The following RARB variants were observed in gnomAD, a reference collection of about 807,000 sequenced individuals.
The protein encoded by RARB is HBV-activated protein.
Under a neutral mutation model 51.9 loss-of-function variants are expected in RARB, and 17 were observed. The observed-to-expected ratio is 0.33, with a 90% CI of 0.22 to 0.49. The LOEUF is 0.49. RARB is among the 20% of genes least tolerant of loss of function. RARB has a pLI of 0.99. For synonymous variants in RARB, 215 were observed against 195.4 expected, an observed-to-expected ratio of 1.10 and a Z score of -0.84; for missense variants, 369 against 550.8, an observed-to-expected ratio of 0.67 and a Z score of 3.30.
rs1156767319 is a variant in RARB, at chr3:25,010,186, A to G, written c.-379-49939A>G. 2.0e-5 allele frequency among the ~76,000 whole-genome samples: 3 copies of G among 152,098 alleles called. No individual in the cohort carries two copies. In the East Asian group the frequency reaches 5.8e-4, roughly 29 times the overall value. Reference sequence around the variant, plus strand: ...AAGAAAACCTTAAGAAACATATCGGATTAATTTTACACCTTTCTCCATCAG... The same window carrying G: ...AAGAAAACCTTAAGAAACATATCGGGTTAATTTTACACCTTTCTCCATCAG... On this transcript the variant is annotated intron_variant, in intron 2 of 11. Transcript: ENST00000383772.
chr3:25,403,795 C>G (rs1479161984), intron 5 of RARB, among the ~76,000 whole-genome samples: 7 of 134,386 alleles, frequency 5.2e-5, no homozygotes, highest in African/African-American at 2.0e-4. Flanking sequence ...AGCACTGTTA[C>G]TTTCATTTTT....
intron 3 of RARB, among the ~76,000 whole-genome samples, chr3:25,525,068 G>A (rs1698587811): frequency 6.6e-6 from 1 of 152,048 alleles, no homozygotes. Flanking sequence ...CTAGCTCTTG[G>A]AAATAAAATC....
intron 4 of RARB, among the ~76,000 whole-genome samples, chr3:25,575,335 C>T (rs1293269486): frequency 6.6e-6 from 1 of 152,158 alleles, no homozygotes; most frequent in Non-Finnish European, 1.5e-5. Flanking sequence ...CTTGGGGACC[C>T]CTGACCTAGA....
intron 5 of RARB, among the ~76,000 whole-genome samples, chr3:25,398,974 A>G (rs1311040410): frequency 1.3e-5 from 2 of 152,190 alleles, no homozygotes; most frequent in African/African-American, 2.4e-5. Context: ...TGTGAAGTTA[A>G]TATCTTGCCC....
At chr3:25,474,142 T>C (rs1036605535) in intron 2 of RARB, among the ~76,000 whole-genome samples, 16 of 152,262 alleles carry the variant, frequency 1.1e-4, no homozygotes, top group African/African-American at 3.9e-4. Context: ...CTTTTGAATC[T>C]GAAAATAGCA....
At chr3:25,232,387 C>G (rs567919461) in intron 5 of RARB, among the ~76,000 whole-genome samples, 44 of 152,046 alleles carry the variant, frequency 2.9e-4, no homozygotes, top group African/African-American at 1.0e-3. Flanking sequence ...TGCATTGAAT[C>G]TATAGATTCA....
At chr3:25,473,245 A>G (rs540113218) in intron 2 of RARB, among the ~76,000 whole-genome samples, 32 of 152,110 alleles carry the variant, frequency 2.1e-4, no homozygotes, top group Non-Finnish European at 3.8e-4. Context: ...TAAATGTGTC[A>G]TATGGATAAG....
intron 2 of RARB, among the ~76,000 whole-genome samples, chr3:25,475,395 T>G (rs200215541): frequency 1.3e-5 from 2 of 150,768 alleles, no homozygotes; most frequent in East Asian, 4.3e-4. Flanking sequence ...ATTATCCAAA[T>G]AACAAAGGGG....
At chr3:25,340,080 G>T (rs1322950081) in intron 5 of RARB, among the ~76,000 whole-genome samples, 2 of 152,108 alleles carry the variant, frequency 1.3e-5, no homozygotes, top group African/African-American at 2.4e-5. Flanking sequence ...GTAAAGCGAA[G>T]GAGAACACGT....
At chr3:24,906,699 G>T (rs1232897906) in intron 2 of RARB, among the ~76,000 whole-genome samples, 2 of 151,836 alleles carry the variant, frequency 1.3e-5, no homozygotes, top group Admixed American at 1.3e-4. Flanking sequence ...AAAAAAATTA[G>T]CTGGGCATGG....
At chr3:24,870,659 T>G (rs1702928711) in intron 2 of RARB, among the ~76,000 whole-genome samples, 1 of 152,146 alleles carries the variant, frequency 6.6e-6, no homozygotes, top group Non-Finnish European at 1.5e-5. Flanking sequence ...TCTTGTTCTC[T>G]CTCACTCATT....
At chr3:24,919,327 GAAGTTCGGCCTAA>G (rs1171328881) in intron 2 of RARB, among the ~76,000 whole-genome samples, 2 of 152,146 alleles carry the variant, frequency 1.3e-5, no homozygotes, top group African/African-American at 4.8e-5. Flanking sequence ...TTACGTATGT[GAAGTTCGGCCTAA>G]AAGTTTCTCC....
At chr3:25,506,544 A>T (rs777958745) in intron 3 of RARB, among the ~76,000 whole-genome samples, 2 of 152,058 alleles carry the variant, frequency 1.3e-5, no homozygotes, top group African/African-American at 2.4e-5. Flanking sequence ...TGAGCCTGGG[A>T]GGTTGAGGCT....
At chr3:25,190,089 A>C (rs188012480) in intron 5 of RARB, among the ~76,000 whole-genome samples, 10 of 152,218 alleles carry the variant, frequency 6.6e-5, no homozygotes, top group Middle Eastern at 3.4e-3. Flanking sequence ...ATTGTGATGC[A>C]TAGGGGTTGG....
intron 5 of RARB, among the ~76,000 whole-genome samples, chr3:25,364,083 A>G (rs1469971291): frequency 2.0e-5 from 3 of 152,032 alleles, no homozygotes; most frequent in Non-Finnish European, 2.9e-5. Context: ...TTTTTCTTAT[A>G]TAGCACTTCT....
rs949390331 is a variant in RARB at position 25,141,240 on chromosome 3, G to A, written c.-280+9032G>A. Among the ~76,000 whole-genome samples, 9 of 151,940 alleles carry A rather than the reference G, an allele frequency of 5.9e-5. No homozygotes were observed. In the East Asian group the frequency reaches 1.4e-3, roughly 23 times the overall value. On this transcript the variant is annotated intron_variant, in intron 4 of 11. Coordinates refer to the RARB transcript ENST00000383772. ...TCATAAACGTTCTTAAAAGATATTT[G>A]CCTGTCCTTGCATGACTTTTGACAC...
intron 3 of RARB, among the ~76,000 whole-genome samples, chr3:25,129,359 T>A (rs1373217207): frequency 6.6e-6 from 1 of 152,112 alleles, no homozygotes; most frequent in African/African-American, 2.4e-5. Context: ...TATGTCTTTT[T>A]TGTGTGTGAA....
At chr3:24,881,219 A>G (rs895552299) in intron 2 of RARB, among the ~76,000 whole-genome samples, 2 of 152,242 alleles carry the variant, frequency 1.3e-5, no homozygotes, top group African/African-American at 2.4e-5. Context: ...TTCCCCAGCC[A>G]TGCAGAACTG....
intron 5 of RARB, among the ~76,000 whole-genome samples, chr3:25,592,886 C>A (rs1701665385): frequency 6.6e-6 from 1 of 152,178 alleles, no homozygotes; most frequent in Non-Finnish European, 1.5e-5. Context: ...TGTATTACAG[C>A]TGCCTGTGTA....
Sources: allele counts gnomAD v4.1 joint callset (sites outside exome capture counted in the v4.1 genomes callset), GRCh38; gene constraint gnomAD v4.1.1; transcripts MANE v1.5; gene names NCBI Gene and HGNC (gene_info 2026-07-23, HGNC 2026-07-21).